RGS6: variants seen among roughly 807,000 people sequenced by gnomAD.
RGS6 encodes regulator of G protein signaling 6.
In RGS6, 30 loss-of-function variants were observed where a neutral mutation model predicts 78.5. The ratio of observed to expected loss-of-function variants is 0.38; its 90% CI spans 0.29 to 0.52. The LOEUF (loss-of-function observed/expected upper bound fraction) is 0.52. Ranked by LOEUF, RGS6 falls within the 20% of genes least tolerant of loss-of-function variation. The pLI is 0.85. For missense variants in RGS6, 495 were observed against 609.7 expected (o/e 0.81, Z 1.98); for synonymous variants, 206 against 206.0 (o/e 1.00, Z 0.00).
chr14:72,079,408 T>C (rs989512721), intron 2 of RGS6, among the ~76,000 whole-genome samples: 1 of 152,188 alleles, frequency 6.6e-6, no homozygotes, highest in Non-Finnish European at 1.5e-5. Context: ...TTTATTTATC[T>C]TAACTGACAA....
At chr14:72,039,314 G>A (rs978603156) in intron 2 of RGS6, among the ~76,000 whole-genome samples, 1 of 152,136 alleles carries the variant, frequency 6.6e-6, no homozygotes, top group Non-Finnish European at 1.5e-5. Context: ...GACATTGTGA[G>A]GGTGAGAGTC....
the RGS6 span, among the ~76,000 whole-genome samples, chr14:71,910,703 CAAG>C: frequency 6.6e-6 from 1 of 152,118 alleles, no homozygotes; most frequent in Non-Finnish European, 1.5e-5. Context: ...TGAGAGGTAT[CAAG>C]AAGGAGGTGA....
chr14:72,408,611 G>C (rs1327276681), intron 3 of RGS6, among the ~76,000 whole-genome samples: 1 of 152,166 alleles, frequency 6.6e-6, no homozygotes, highest in Non-Finnish European at 1.5e-5. Flanking sequence ...GTTCACAGTT[G>C]AATGACTTTT....
At chr14:71,905,374 G>T in the RGS6 span, among the ~76,000 whole-genome samples, 1 of 152,166 alleles carries the variant, frequency 6.6e-6, no homozygotes, top group Non-Finnish European at 1.5e-5. Context: ...GTCTTTTTTT[G>T]CAGCTATAGT....
intron 2 of RGS6, among the ~76,000 whole-genome samples, chr14:72,349,412 C>T (rs1270044726): frequency 6.6e-6 from 1 of 152,046 alleles, no homozygotes; most frequent in African/African-American, 2.4e-5. Context: ...CAATAACACC[C>T]CAGTAGCCAG....
chr14:72,147,218 C>A (rs2096617555), intron 2 of RGS6, among the ~76,000 whole-genome samples: 1 of 152,240 alleles, frequency 6.6e-6, no homozygotes, highest in Admixed American at 6.5e-5. Flanking sequence ...CCTCCAAATT[C>A]TTCCAGCCTC....
chr14:72,503,908 C>A (rs1163147480), intron 13 of RGS6, among the ~76,000 whole-genome samples: 1 of 152,228 alleles, frequency 6.6e-6, no homozygotes, highest in Non-Finnish European at 1.5e-5. Context: ...TCCTCACCTG[C>A]AGCTCTTCTG....
chr14:72,594,783 T>C, the RGS6 span: 17 of 152,138 alleles, frequency 1.1e-4, no homozygotes, highest in African/African-American at 4.1e-4. Context: ...AACAAGCAAA[T>C]GTAACCAGAG....
At chr14:72,620,973 T>C in the RGS6 span, among the ~76,000 whole-genome samples, 1 of 152,126 alleles carries the variant, frequency 6.6e-6, no homozygotes, top group Admixed American at 6.5e-5. Flanking sequence ...AAACCCCATC[T>C]CTACTAACAA....
At chr14:72,532,985 G>T (rs2097201344) in intron 15 of RGS6, among the ~76,000 whole-genome samples, 2 of 152,234 alleles carry the variant, frequency 1.3e-5, no homozygotes, top group Admixed American at 1.3e-4. Flanking sequence ...GGTGGCTACA[G>T]TAAACAACAG....
At position 72,562,654 on chromosome 14, in the gene RGS6, C is replaced by T; in HGVS notation, c.*187C>T. The stretch of plus-strand genomic sequence containing the variant: ...ATGGGGAGACCAGAAAGAAAGAGTC[C>T]ACAGAGCCTGGGCTGGGCCCGGTGG... On this transcript the variant is annotated 3_prime_UTR_variant, in exon 18 of 18. Transcript: ENST00000553525. 1 of 1,535,914 alleles carries T rather than the reference C, an allele frequency of 6.5e-7. No individual in the cohort carries two copies. The highest frequency in any genetic ancestry group is 2.4e-5 in the East Asian group (1 of 40,904).
the RGS6 span, among the ~76,000 whole-genome samples, chr14:72,576,810 A>G: frequency 6.6e-6 from 1 of 152,198 alleles, no homozygotes; most frequent in Non-Finnish European, 1.5e-5. Flanking sequence ...GCAAGAATTG[A>G]TGATTTTCAG....
At chr14:72,379,510 A>T (rs537198257) in intron 3 of RGS6, among the ~76,000 whole-genome samples, 2 of 152,258 alleles carry the variant, frequency 1.3e-5, no homozygotes, top group Admixed American at 1.3e-4. Flanking sequence ...ACATACAAAG[A>T]TCAGTAGTGT....
chr14:72,246,397 C>T (rs909504134), intron 2 of RGS6, among the ~76,000 whole-genome samples: 7 of 152,278 alleles, frequency 4.6e-5, no homozygotes, highest in African/African-American at 1.7e-4. Flanking sequence ...CTTTCTCTAA[C>T]CTTGTAGCAT....
intron 2 of RGS6, among the ~76,000 whole-genome samples, chr14:72,340,565 G>A (rs947694072): frequency 6.6e-6 from 1 of 152,154 alleles, no homozygotes; most frequent in Non-Finnish European, 1.5e-5. Context: ...GGCCATCTGG[G>A]GGCATCACTT....
chr14:72,127,868 C>A (rs1382483167), intron 2 of RGS6, among the ~76,000 whole-genome samples: 1 of 152,176 alleles, frequency 6.6e-6, no homozygotes, highest in African/African-American at 2.4e-5. Context: ...CTAATTTGTT[C>A]TCTGTTTCTA....
chr14:71,897,401 A>C, the RGS6 span, among the ~76,000 whole-genome samples: 2 of 152,222 alleles, frequency 1.3e-5, no homozygotes, highest in African/African-American at 4.8e-5. Flanking sequence ...TTTAAATCAG[A>C]TATGCTGCCA....
At chr14:72,132,742 C>G (rs1430036144) in intron 2 of RGS6, among the ~76,000 whole-genome samples, 2 of 150,070 alleles carry the variant, frequency 1.3e-5, no homozygotes, top group African/African-American at 4.9e-5. Flanking sequence ...GTTAACACAC[C>G]TGGTCAAAAG....
the RGS6 span, among the ~76,000 whole-genome samples, chr14:71,913,231 C>T: frequency 2.0e-5 from 3 of 152,212 alleles, no homozygotes; most frequent in Non-Finnish European, 4.4e-5. Context: ...CATTTACCCA[C>T]TACATATGCA....
Sources: allele counts gnomAD v4.1 joint callset (sites outside exome capture counted in the v4.1 genomes callset), GRCh38; gene constraint gnomAD v4.1.1; transcripts MANE v1.5; gene names NCBI Gene and HGNC (gene_info 2026-07-23, HGNC 2026-07-21).